Variants in EXOC2 observed in about 807,000 individuals in gnomAD.
EXOC2 encodes SEC5-like 1.
A neutral mutation model predicts 131.8 loss-of-function variants in EXOC2; 70 were observed. The ratio of observed to expected loss-of-function variants is 0.53; its 90% CI spans 0.44 to 0.65. The LOEUF (loss-of-function observed/expected upper bound fraction) is 0.65. Among genes scored for constraint, EXOC2 ranks in the 30% least tolerant of loss-of-function variants. The pLI, the probability that EXOC2 is intolerant of heterozygous loss-of-function variation, is 0.00. For synonymous variants in EXOC2, 411 were observed against 398.4 expected (o/e 1.03, Z -0.38); for missense variants, 923 against 1,108.6 (o/e 0.83, Z 2.38).
chr6:610,029 G>A lies in EXOC2; in HGVS notation c.742+69C>T, dbSNP rs924218356. Reference sequence around the variant, plus strand: ...TTACTGCCTTGTCCCGCGATATCAGGTCCAAGAACTAATTTTAAAGCATGT... The same window carrying A: ...TTACTGCCTTGTCCCGCGATATCAGATCCAAGAACTAATTTTAAAGCATGT... On this transcript the variant is annotated intron_variant, in intron 7 of 27. Transcript: ENST00000230449. 23 of 1,401,956 alleles carry A rather than the reference G, an allele frequency of 1.6e-5. No homozygotes were observed. The East Asian group carries it at 3.2e-4, about 20-fold the overall frequency. 86.8% of individuals were successfully genotyped at this position (1,401,956 alleles called of 1,614,324 possible).
chr6:627,328 T>C (rs1308668204), intron 4 of EXOC2, among the ~76,000 whole-genome samples: 1 of 152,134 alleles, frequency 6.6e-6, no homozygotes, highest in African/African-American at 2.4e-5. Context: ...ACACCTATTC[T>C]TACTTTCATC....
At position 589,988 on chromosome 6, in the gene EXOC2, G is replaced by A. The variant is rs187335001; in HGVS notation, c.1192+2481C>T. 2.7e-3 allele frequency among the ~76,000 whole-genome samples: 408 copies of A among 152,280 alleles called. 1 individual carries two copies. Among genetic ancestry groups the A allele is most frequent in the Non-Finnish European group, 4.1e-3 (278 of 68,014 alleles). Reference sequence around the variant, plus strand: ...AAATTAGCTAGGCGTGGTAGCGGGCGCCTGTAGTCCCAGCTACTTGGGAGG... The same window carrying A: ...AAATTAGCTAGGCGTGGTAGCGGGCACCTGTAGTCCCAGCTACTTGGGAGG... On this transcript the variant is annotated intron_variant, in intron 11 of 27. Transcript: ENST00000230449.
At chr6:592,653 T>G (rs1222583512) in intron 10 of EXOC2, 66 bp from the exon 11 acceptor site, 1 of 1,232,654 alleles carries the variant, frequency 8.1e-7, no homozygotes, top group Admixed American at 1.9e-5. Context: ...TCATTACTTT[T>G]TAAAGGCTAA....
chr6:544,519 A>G (rs1756728992), intron 22 of EXOC2, among the ~76,000 whole-genome samples: 1 of 152,224 alleles, frequency 6.6e-6, no homozygotes, highest in Non-Finnish European at 1.5e-5. Flanking sequence ...TATTTATTAT[A>G]TAAAATAGCC....
intron 22 of EXOC2, among the ~76,000 whole-genome samples, chr6:548,147 A>T (rs557529928): frequency 6.6e-6 from 1 of 152,344 alleles, no homozygotes; most frequent in East Asian, 1.9e-4. Context: ...TAAACTAGAC[A>T]TTTGGCCCCA....
At position 630,445 on chromosome 6, in the gene EXOC2, G is replaced by A. The variant is rs886097335; in HGVS notation, c.296-484C>T. ...GGAAATATCCAAGCACAAAACATTC[G>A]AGTAAAATGTTAGCTCAGTGGAAAG... is the stretch of plus-strand genomic sequence containing the variant. On this transcript the variant is annotated intron_variant, in intron 3 of 27. Transcript: ENST00000230449. 5.9e-5 allele frequency among the ~76,000 whole-genome samples: 9 copies of A among 152,210 alleles called. 1 individual carries two copies. Among genetic ancestry groups the A allele is most frequent in the South Asian group, 2.1e-4 (1 of 4,812 alleles).
intron 1 of EXOC2, among the ~76,000 whole-genome samples, chr6:676,128 G>GCA (rs1764115138): frequency 1.3e-5 from 1 of 77,924 alleles, no homozygotes; most frequent in Non-Finnish European, 2.7e-5. Flanking sequence ...GGTTCCTCTG[G>GCA]AGACTCTGAG....
intron 24 of EXOC2, 56 bp downstream of exon 24, chr6:499,589 C>CT (rs1324679098): frequency 1.4e-6 from 2 of 1,447,700 alleles, no homozygotes; most frequent in Non-Finnish European, 1.9e-6. Flanking sequence ...TTACATCTTT[C>CT]TTTTTTCTTT....
intron 6 of EXOC2, among the ~76,000 whole-genome samples, chr6:616,294 C>T (rs546255595): frequency 6.6e-6 from 1 of 152,310 alleles, no homozygotes; most frequent in African/African-American, 2.4e-5. Context: ...TAGACATTCA[C>T]ATTTTACCCC....
At chr6:566,509 G>A (rs17134857) in intron 13 of EXOC2, among the ~76,000 whole-genome samples, 45,885 of 152,054 alleles carry the variant, frequency 0.3, 7,967 homozygotes, top group Admixed American at 0.45. Flanking sequence ...ACGCCCGCTC[G>A]GCTAACACCA....
At chr6:547,304 G>A (rs111475922) in intron 22 of EXOC2, among the ~76,000 whole-genome samples, 5 of 152,306 alleles carry the variant, frequency 3.3e-5, no homozygotes, top group South Asian at 4.1e-4. Context: ...CTTTCCTGGC[G>A]TAAGTACCAG....
At chr6:576,650 T>C in intron 12 of EXOC2, 107 bp downstream of exon 12, 2 of 1,355,808 alleles carry the variant, frequency 1.5e-6, no homozygotes, top group Non-Finnish European at 2.0e-6. Flanking sequence ...CTGATAATAC[T>C]TAGCACCAGT....
chr6:601,108 T>C (rs1005728573), intron 7 of EXOC2, among the ~76,000 whole-genome samples: 4 of 152,134 alleles, frequency 2.6e-5, no homozygotes, highest in South Asian at 2.1e-4. Flanking sequence ...AACAAAACTA[T>C]TGAAGAAAAG....
intron 1 of EXOC2, among the ~76,000 whole-genome samples, chr6:691,319 C>A (rs1272339370): frequency 6.6e-6 from 1 of 152,178 alleles, no homozygotes; most frequent in Non-Finnish European, 1.5e-5. Flanking sequence ...CACTTATACA[C>A]GGATTTTTTC....
At chr6:543,213 G>T (rs567052527) in intron 22 of EXOC2, among the ~76,000 whole-genome samples, 1 of 152,300 alleles carries the variant, frequency 6.6e-6, no homozygotes, top group African/African-American at 2.4e-5. Context: ...ATGATGTCAA[G>T]AATAATTCCC....
At chr6:671,594 T>G (rs1003553914) in intron 1 of EXOC2, among the ~76,000 whole-genome samples, 1 of 152,180 alleles carries the variant, frequency 6.6e-6, no homozygotes, top group Non-Finnish European at 1.5e-5. Context: ...AAGAACAACT[T>G]TTAACATTTT....
intron 13 of EXOC2, among the ~76,000 whole-genome samples, chr6:570,333 C>T (rs1758208318): frequency 6.6e-6 from 1 of 152,120 alleles, no homozygotes; most frequent in Admixed American, 6.5e-5. Context: ...TGGGGTTTCA[C>T]CGTGTCAGCC....
chr6:615,171 A>ACG (rs1561927543), intron 6 of EXOC2, among the ~76,000 whole-genome samples: 20 of 119,460 alleles, frequency 1.7e-4, no homozygotes, highest in African/African-American at 5.4e-4. Context: ...TGAAAAGTAT[A>ACG]TGTGGGTGTG....
intron 22 of EXOC2, among the ~76,000 whole-genome samples, chr6:538,650 G>C (rs930813023): frequency 6.6e-6 from 1 of 152,176 alleles, no homozygotes; most frequent in Non-Finnish European, 1.5e-5. Flanking sequence ...CAATTTAATT[G>C]TGTACAGACA....
Sources: gnomAD v4.1 joint callset for allele counts (sites outside exome capture counted in the v4.1 genomes callset) on GRCh38, gnomAD v4.1.1 for gene constraint, MANE v1.5 for transcripts, NCBI Gene and HGNC (gene_info 2026-07-23, HGNC 2026-07-21) for gene names.